The following APBA1 variants were observed in gnomAD, a reference collection of about 807,000 sequenced individuals.
APBA1 encodes amyloid beta precursor protein binding family A member 1.
In APBA1, 55 loss-of-function variants were observed where a neutral mutation model predicts 86.6. The observed-to-expected ratio is 0.64, with a 90% CI of 0.51 to 0.80. The LOEUF (loss-of-function observed/expected upper bound fraction) is 0.80. Ranked by LOEUF, APBA1 falls within the 30% of genes least tolerant of loss-of-function variation. The probability of loss-of-function intolerance (pLI) is 0.00; values close to 1 mark genes in which losing one functional copy is unlikely to be tolerated. For missense variants in APBA1, 1,090 were observed against 1,183.0 expected (o/e 0.92, Z 1.15); for synonymous variants, 511 against 493.9 (o/e 1.03, Z -0.46).
intron 2 of APBA1, among the ~76,000 whole-genome samples, chr9:69,494,993 A>C (rs551659207): frequency 6.6e-6 from 1 of 152,272 alleles, no homozygotes; most frequent in South Asian, 2.1e-4. Context: ...CAGAGCATGG[A>C]ATTGGAGGTA....
intron 1 of APBA1, among the ~76,000 whole-genome samples, chr9:69,589,272 T>G (rs1269284904): frequency 5.9e-5 from 9 of 152,192 alleles, no homozygotes; most frequent in Non-Finnish European, 8.8e-5. Context: ...ATTCTTGATA[T>G]CCTCAAAGCA....
intron 1 of APBA1, among the ~76,000 whole-genome samples, chr9:69,554,779 A>C (rs996029370): frequency 2.8e-5 from 3 of 108,466 alleles, no homozygotes; most frequent in Non-Finnish European, 4.1e-5. Flanking sequence ...AGAACAGCAG[A>C]TATTTTTAGG....
intron 2 of APBA1, among the ~76,000 whole-genome samples, chr9:69,502,353 T>G (rs1335501987): frequency 1.3e-5 from 2 of 151,986 alleles, no homozygotes; most frequent in East Asian, 1.9e-4. Context: ...GCTAAAATAA[T>G]TGGAGGCAAT....
At chr9:69,550,570 T>C (rs1407863715) in intron 1 of APBA1, among the ~76,000 whole-genome samples, 1 of 152,208 alleles carries the variant, frequency 6.6e-6, no homozygotes, top group East Asian at 1.9e-4. Context: ...TCTGTAAATA[T>C]TTAGTGAGCT....
intron 1 of APBA1, among the ~76,000 whole-genome samples, chr9:69,639,003 G>A (rs1344901482): frequency 6.6e-6 from 1 of 152,046 alleles, no homozygotes; most frequent in East Asian, 1.9e-4. Flanking sequence ...CCCATTCTCA[G>A]GGTCCCTAAA....
chr9:69,510,609 G>A lies in APBA1; in HGVS notation c.1200+5402C>T, dbSNP rs1385273280. Among the ~76,000 whole-genome samples, 49 of 140,466 alleles carry A rather than the reference G, an allele frequency of 3.5e-4. 2 individuals are homozygous for A. The highest frequency in any genetic ancestry group is 6.9e-4 in the African/African-American group (24 of 34,910). The allele number at this position is 140,466 out of a possible 152,430, so 92.2% of individuals were successfully genotyped here. A position where few individuals can be genotyped will look rare whatever the true frequency, so the allele number is the denominator to read the frequency against. Reference sequence around the variant, plus strand: ...ATGGAACCAAAAAAGAGCCCGCATCGCCAAGGCAATCCTAAGCCAAAAGAA... The same window carrying A: ...ATGGAACCAAAAAAGAGCCCGCATCACCAAGGCAATCCTAAGCCAAAAGAA... On this transcript the variant is annotated intron_variant, in intron 2 of 12. Transcript: ENST00000265381.
intron 3 of APBA1, among the ~76,000 whole-genome samples, chr9:69,472,239 T>C (rs1835377698): frequency 6.6e-6 from 1 of 152,222 alleles, no homozygotes; most frequent in Non-Finnish European, 1.5e-5. Context: ...GTTATCTGAA[T>C]AAGAACACAA....
intron 1 of APBA1, among the ~76,000 whole-genome samples, chr9:69,632,862 T>C (rs1219462574): frequency 2.0e-5 from 3 of 152,304 alleles, no homozygotes; most frequent in East Asian, 1.9e-4. Context: ...TTCTGTATCA[T>C]TGGGCTTCCT....
Position 69,452,220 on chromosome 9 carries a change from C to T in APBA1, c.1870G>A (p.Glu624Lys), listed in dbSNP as rs769199164. 21 of 1,614,088 alleles carry T rather than the reference C, an allele frequency of 1.3e-5. 1 individual carries two copies. In the South Asian group the frequency reaches 1.4e-4, roughly 11 times the overall value. The part of the protein sequence containing the change: ...EFLRANGINP[E>K]DLSQKEYSDL... ...CTATACTCCTTCTGGCTGAGATCTT[C>T]GGGGTTAATCCCATTGGCCCTGAGG... Residue 624 changes from glutamate to lysine, a missense_variant, in exon 9 of 13, where the codon GAA becomes AAA. This residue lies in a region of APBA1 where 97 missense variants were observed against 166.8 expected (regional missense o/e 0.58). Coordinates refer to ENST00000265381, the MANE Select transcript of APBA1 (RefSeq NM_001163.4).
chr9:69,468,081 G>A lies in APBA1; in HGVS notation c.1337-113C>T, dbSNP rs371038622. The stretch of plus-strand genomic sequence containing the variant: ...TCACTGCTGGCACAGGTGAGGCAGA[G>A]CCAACCTGCTGGTCTGAGGCATCTC... On this transcript the variant is annotated intron_variant, in intron 4 of 12. Coordinates refer to ENST00000265381, the MANE Select transcript of APBA1 (RefSeq NM_001163.4). The A allele has an allele frequency of 1.2e-5, 15 of 1,289,248 alleles. 1 individual carries two copies. The highest frequency in any genetic ancestry group is 5.9e-5 in the African/African-American group (4 of 68,132). The allele number at this position is 1,289,248 out of a possible 1,614,324, so 79.9% of individuals were successfully genotyped here. A position where few individuals can be genotyped will look rare whatever the true frequency, so the allele number is the denominator to read the frequency against.
chr9:69,615,969 C>A (rs1437387503), intron 1 of APBA1, among the ~76,000 whole-genome samples: 1 of 152,162 alleles, frequency 6.6e-6, no homozygotes, highest in Non-Finnish European at 1.5e-5. Flanking sequence ...CTGTGGGCAG[C>A]TTTTCCCTAG....
At chr9:69,487,653 G>A (rs780641575) in intron 2 of APBA1, among the ~76,000 whole-genome samples, 7 of 152,042 alleles carry the variant, frequency 4.6e-5, no homozygotes, top group African/African-American at 9.7e-5. Flanking sequence ...GTTAGTTATC[G>A]TGAGAGTGGA....
intron 2 of APBA1, among the ~76,000 whole-genome samples, chr9:69,500,539 G>T (rs1436175713): frequency 1.3e-5 from 2 of 151,808 alleles, no homozygotes; most frequent in African/African-American, 4.9e-5. Flanking sequence ...CAGCGCATCT[G>T]TGTGACTTGC....
At chr9:69,617,767 A>G (rs546041610) in intron 1 of APBA1, among the ~76,000 whole-genome samples, 2 of 152,184 alleles carry the variant, frequency 1.3e-5, no homozygotes, top group South Asian at 4.1e-4. Flanking sequence ...GTAATATATA[A>G]TATGAAATTT....
intron 3 of APBA1, chr9:69,474,479 T>C (rs1198070147): frequency 1.3e-5 from 2 of 152,272 alleles, no homozygotes; most frequent in African/African-American, 2.4e-5. Context: ...TCCTGGAACA[T>C]TGTCAATGCT....
At chr9:69,664,932 T>G (rs1320075847) in intron 1 of APBA1, among the ~76,000 whole-genome samples, 1 of 152,224 alleles carries the variant, frequency 6.6e-6, no homozygotes, top group African/African-American at 2.4e-5. Flanking sequence ...TGTTAAAAAT[T>G]CTTTATGATA....
At chr9:69,616,933 A>G (rs1022758264) in intron 1 of APBA1, among the ~76,000 whole-genome samples, 5 of 152,226 alleles carry the variant, frequency 3.3e-5, no homozygotes, top group Non-Finnish European at 7.3e-5. Context: ...GGGGAAGGCC[A>G]TGAAGGGAGG....
At position 69,516,968 on chromosome 9, in the gene APBA1, C is replaced by G. The variant is rs764687834; in HGVS notation, c.243G>C (p.Thr81=). ...CCGTGTGGTTGTGGAAGCCGCTCTCCGTGCTGGCTGAGCGCGCCAGGCATT... is the reference window on the plus strand; with the variant it reads ...CCGTGTGGTTGTGGAAGCCGCTCTCGGTGCTGGCTGAGCGCGCCAGGCATT... ...RGECLARSAS[T]ESGFHNHTDT... Residue 81 remains threonine (T), a synonymous_variant, in exon 2 of 13, where the codon ACG becomes ACC. Coordinates refer to ENST00000265381, the MANE Select transcript of APBA1 (RefSeq NM_001163.4). This position sits in a 1 kb window ranked among gnomAD's most constrained non-coding sequence, Gnocchi z 7.3. 11 of 1,591,386 alleles carry G rather than the reference C, an allele frequency of 6.9e-6. No homozygotes were observed. The highest frequency in any genetic ancestry group is 9.4e-6 in the Non-Finnish European group (11 of 1,175,798).
intron 1 of APBA1, among the ~76,000 whole-genome samples, chr9:69,546,295 C>T (rs899048173): frequency 2.6e-5 from 4 of 152,210 alleles, no homozygotes; most frequent in African/African-American, 7.2e-5. Flanking sequence ...TATTCTGATG[C>T]GGAGGTCAGT....
Sources: allele counts gnomAD v4.1 joint callset (sites outside exome capture counted in the v4.1 genomes callset), GRCh38; gene constraint gnomAD v4.1.1; regional missense constraint gnomAD v4.1.1; non-coding constraint Gnocchi (gnomAD v3.1); transcripts MANE v1.5; gene names NCBI Gene and HGNC (gene_info 2026-07-23, HGNC 2026-07-21).